The following OPCML variants were observed in gnomAD, a reference collection of about 807,000 sequenced individuals.
OPCML encodes the protein opioid binding protein/cell adhesion molecule like.
A neutral mutation model predicts 37.8 loss-of-function variants in OPCML; 13 were observed. The observed-to-expected ratio is 0.34, with a 90% CI of 0.22 to 0.55. The LOEUF (loss-of-function observed/expected upper bound fraction) is 0.55. OPCML is among the 20% of genes least tolerant of loss of function. The pLI is 0.91. For missense variants in OPCML, 341 were observed against 435.6 expected (o/e 0.78, Z 1.93); for synonymous variants, 176 against 168.8 (o/e 1.04, Z -0.33).
At chr11:133,523,225 A>G (rs1165095697) in intron 1 of OPCML, among the ~76,000 whole-genome samples, 2 of 152,192 alleles carry the variant, frequency 1.3e-5, no homozygotes, top group Non-Finnish European at 2.9e-5. Flanking sequence ...GCCAAGAAGT[A>G]TGGGATTTCT....
intron 1 of OPCML, among the ~76,000 whole-genome samples, chr11:133,090,763 T>C (rs1271686612): frequency 6.6e-6 from 1 of 152,062 alleles, no homozygotes; most frequent in Non-Finnish European, 1.5e-5. Context: ...AATTTATAAT[T>C]AAAGAGAAAG....
intron 1 of OPCML, among the ~76,000 whole-genome samples, chr11:133,020,035 T>C (rs1947420671): frequency 6.6e-6 from 1 of 152,192 alleles, no homozygotes; most frequent in Non-Finnish European, 1.5e-5. Flanking sequence ...TCAATTCCTG[T>C]TGAATATTCA....
chr11:133,058,293 A>T (rs1948276849), intron 1 of OPCML, among the ~76,000 whole-genome samples: 1 of 152,152 alleles, frequency 6.6e-6, no homozygotes, highest in Non-Finnish European at 1.5e-5. Flanking sequence ...AATTTAAAGG[A>T]TGAGTGAAGT....
chr11:133,358,348 T>C (rs1260297162), intron 1 of OPCML, among the ~76,000 whole-genome samples: 3 of 152,178 alleles, frequency 2.0e-5, no homozygotes, highest in African/African-American at 7.2e-5. Flanking sequence ...TCTGACTAGA[T>C]ACTTGATAAC....
chr11:133,092,133 A>G (rs1194638484), intron 1 of OPCML, among the ~76,000 whole-genome samples: 1 of 152,174 alleles, frequency 6.6e-6, no homozygotes, highest in Non-Finnish European at 1.5e-5. Flanking sequence ...ATGTGAAGAC[A>G]CAGCATCCAT....
At chr11:133,393,606 C>A (rs1945222259) in intron 1 of OPCML, among the ~76,000 whole-genome samples, 1 of 152,202 alleles carries the variant, frequency 6.6e-6, no homozygotes, top group Non-Finnish European at 1.5e-5. Flanking sequence ...TAGCATGGCA[C>A]TTGGCACCCA....
intron 3 of OPCML, among the ~76,000 whole-genome samples, chr11:132,534,986 C>T (rs1490130441): frequency 6.7e-6 from 1 of 150,108 alleles, no homozygotes; most frequent in Non-Finnish European, 1.5e-5. Context: ...ATAAATAAAG[C>T]TTACCTTGGA....
intron 3 of OPCML, among the ~76,000 whole-genome samples, chr11:132,653,197 A>T (rs1033940332): frequency 9.2e-5 from 14 of 152,130 alleles, no homozygotes; most frequent in Admixed American, 3.9e-4. Flanking sequence ...CCCAATCACT[A>T]GCATTTCTCC....
At chr11:132,645,155 T>A (rs1344015447) in intron 3 of OPCML, among the ~76,000 whole-genome samples, 1 of 152,174 alleles carries the variant, frequency 6.6e-6, no homozygotes, top group Non-Finnish European at 1.5e-5. Context: ...TGTTAGAAAT[T>A]TTCCCCAGAA....
At chr11:133,309,828 A>G (rs557599557) in intron 1 of OPCML, among the ~76,000 whole-genome samples, 1 of 152,296 alleles carries the variant, frequency 6.6e-6, no homozygotes, top group African/African-American at 2.4e-5. Flanking sequence ...AGATGAGATG[A>G]TGAGTGCTTA....
At chr11:133,192,908 C>A (rs2136304817) in intron 1 of OPCML, among the ~76,000 whole-genome samples, 1 of 149,310 alleles carries the variant, frequency 6.7e-6, no homozygotes, top group East Asian at 2.0e-4. Flanking sequence ...GTTAACATGG[C>A]ATTTGAATTG....
chr11:133,106,464 G>C (rs918926709), intron 1 of OPCML, among the ~76,000 whole-genome samples: 6 of 152,208 alleles, frequency 3.9e-5, no homozygotes, highest in Non-Finnish European at 8.8e-5. Context: ...TGAAATCAGA[G>C]CTCAAGCTTT....
chr11:133,190,296 T>A (rs1938249665), intron 1 of OPCML, among the ~76,000 whole-genome samples: 1 of 152,180 alleles, frequency 6.6e-6, no homozygotes, highest in South Asian at 2.1e-4. Flanking sequence ...TGTAGCCTTT[T>A]CCAGAGCCAT....
chr11:133,123,306 A>T (rs1217190527), intron 1 of OPCML, among the ~76,000 whole-genome samples: 1 of 152,206 alleles, frequency 6.6e-6, no homozygotes, highest in Non-Finnish European at 1.5e-5. Context: ...TGAAAAGATC[A>T]TGAATATTAA....
At chr11:132,999,693 T>C (rs1476712946) in intron 1 of OPCML, among the ~76,000 whole-genome samples, 1 of 152,066 alleles carries the variant, frequency 6.6e-6, no homozygotes, top group Non-Finnish European at 1.5e-5. Flanking sequence ...CCATCAGAAA[T>C]GTCAGGAACT....
intron 3 of OPCML, among the ~76,000 whole-genome samples, chr11:132,605,172 G>A (rs914082567): frequency 5.3e-5 from 8 of 152,188 alleles, no homozygotes; most frequent in African/African-American, 1.7e-4. Context: ...GATCACAGAA[G>A]CATTGCATGG....
intron 4 of OPCML, among the ~76,000 whole-genome samples, chr11:132,489,300 T>G (rs573182767): frequency 1.3e-5 from 2 of 152,292 alleles, no homozygotes; most frequent in African/African-American, 4.8e-5. Context: ...TGTCATCTCC[T>G]GTGATAACAA....
intron 2 of OPCML, among the ~76,000 whole-genome samples, chr11:132,671,389 G>T (rs1235489445): frequency 6.6e-6 from 1 of 152,116 alleles, no homozygotes; most frequent in African/African-American, 2.4e-5. Flanking sequence ...TTCCCTGGAG[G>T]CAATAAAGCC....
Position 133,208,784 on chromosome 11 carries a change from A to G in OPCML, c.62-265774T>C, listed in dbSNP as rs376393806. 6.6e-6 allele frequency among the ~76,000 whole-genome samples: 1 copy of G among 152,146 alleles called. No individual in the cohort carries two copies. Among genetic ancestry groups the G allele is most frequent in the Non-Finnish European group, 1.5e-5 (1 of 68,030 alleles). On this transcript the variant is annotated intron_variant, in intron 1 of 7. Coordinates refer to ENST00000524381, the MANE Select transcript of OPCML (RefSeq NM_001012393.5). This position sits in a 1 kb window ranked among gnomAD's most constrained non-coding sequence, Gnocchi z 8.9. ...ATGGCCCTTCTCTAGGACCAAAGGGATACACCAAGTGCTGGAGTGAAGATA... is the reference window on the plus strand; with the variant it reads ...ATGGCCCTTCTCTAGGACCAAAGGGGTACACCAAGTGCTGGAGTGAAGATA...
Sources: allele counts gnomAD v4.1 joint callset (sites outside exome capture counted in the v4.1 genomes callset), GRCh38; gene constraint gnomAD v4.1.1; non-coding constraint Gnocchi (gnomAD v3.1); transcripts MANE v1.5; gene names NCBI Gene and HGNC (gene_info 2026-07-23, HGNC 2026-07-21).